Variants in OSTC observed in about 807,000 individuals in gnomAD.
OSTC encodes the protein oligosaccharyltransferase complex subunit OSTC.
In OSTC, 16 loss-of-function variants were observed where a neutral mutation model predicts 16.4. The observed-to-expected ratio is 0.98, with a 90% confidence interval of 0.66 to 1.49. The LOEUF is 1.49. OSTC is among the 40% of genes most tolerant of loss of function. The pLI, the probability that OSTC is intolerant of heterozygous loss-of-function variation, is 0.00. For missense variants in OSTC, 139 were observed against 186.3 expected (o/e 0.75, Z 1.48); for synonymous variants, 67 against 68.5 (o/e 0.98, Z 0.11).
chr4:108,657,777 T>C, intron 3 of OSTC, 130 bp downstream of exon 3: 1 of 809,624 alleles, frequency 1.2e-6, no homozygotes, highest in Non-Finnish European at 1.9e-6. Context: ...CCAAATATAT[T>C]TGTAACTTGG....
chr4:108,665,611 G>T (rs1726977100), intron 3 of OSTC, among the ~76,000 whole-genome samples: 1 of 150,580 alleles, frequency 6.6e-6, no homozygotes, highest in African/African-American at 2.5e-5. Context: ...CCAGGCTGGA[G>T]TGCAATGGCA....
At chr4:108,657,323 A>G in intron 2 of OSTC, 127 bp from the exon 3 acceptor site, 1 of 763,666 alleles carries the variant, frequency 1.3e-6, no homozygotes, top group Admixed American at 2.7e-5. Context: ...ATAGTAAAAT[A>G]GTTGTAAGGC....
rs953114224 is a variant in OSTC at position 108,655,627 on chromosome 4, A to G, written c.203A>G (p.His68Arg). The stretch of plus-strand genomic sequence containing the variant: ...GGTTCTATGACTGATGAACATGGGC[A>G]TCAGAGGCCAGTAGCTTTCTTGGCC... The part of the protein sequence containing the change: ...SVGSMTDEHG[H>R]QRPVAFLAYR... The change falls in exon 2 of 4, where the codon CAT (histidine) becomes CGT (arginine). Residue 68 changes from histidine (H) to arginine (R), a missense_variant. Physicochemically the swap from His to Arg is conservative, Grantham distance 29. Coordinates refer to ENST00000361564, the MANE Select transcript of OSTC (RefSeq NM_021227.4). The G allele has an allele frequency of 1.1e-5, 17 of 1,609,340 alleles. No individual in the cohort carries two copies. The highest frequency in any genetic ancestry group is 1.3e-5 in the Non-Finnish European group (15 of 1,175,898).
intron 3 of OSTC, among the ~76,000 whole-genome samples, chr4:108,658,219 A>G (rs1191998513): frequency 1.3e-5 from 2 of 152,060 alleles, no homozygotes; most frequent in African/African-American, 4.8e-5. Flanking sequence ...GGCATGAGCT[A>G]CGGCGCCCAG....
intron 3 of OSTC, among the ~76,000 whole-genome samples, chr4:108,660,456 A>G (rs945000336): frequency 3.9e-5 from 6 of 152,168 alleles, no homozygotes; most frequent in Non-Finnish European, 7.3e-5. Context: ...GCCCCAGAGG[A>G]GATGATGAGC....
chr4:108,657,714 A>T lies in OSTC; in HGVS notation c.431+67A>T. ...TAAAATGATTACCTGGAAAATGTAA[A>T]GTCATAGGACATTTAATTTAACTTT... is the stretch of plus-strand genomic sequence containing the variant. On this transcript the variant is annotated intron_variant, in intron 3 of 3. Transcript: ENST00000361564. 2.2e-6 allele frequency: 3 copies of T among 1,363,834 alleles called. No homozygotes were observed. In the South Asian group the frequency reaches 3.8e-5, roughly 17 times the overall value. The allele number at this position is 1,363,834 out of a possible 1,614,324, so 84.5% of individuals were successfully genotyped here. A position where few individuals can be genotyped will look rare whatever the true frequency, so the allele number is the denominator to read the frequency against.
chr4:108,658,993 T>G (rs1197877685), intron 3 of OSTC, among the ~76,000 whole-genome samples: 3 of 145,968 alleles, frequency 2.1e-5, no homozygotes, highest in Non-Finnish European at 4.5e-5. Flanking sequence ...TTTTTTTTTT[T>G]TTTGAGATGG....
chr4:108,660,449 C>G (rs1726827689), intron 3 of OSTC, among the ~76,000 whole-genome samples: 1 of 152,006 alleles, frequency 6.6e-6, no homozygotes, highest in South Asian at 2.1e-4. Context: ...TTTGCAGGCC[C>G]CAGAGGAGAT....
intron 3 of OSTC, among the ~76,000 whole-genome samples, chr4:108,658,416 T>C (rs1578339797): frequency 8.5e-6 from 1 of 117,806 alleles, no homozygotes; most frequent in South Asian, 3.8e-4. Context: ...GAAAAGGATA[T>C]TTATATATTT....
At chr4:108,657,264 A>G (rs1327006562) in intron 2 of OSTC, among the ~76,000 whole-genome samples, 186 bp from the exon 3 acceptor site, 1 of 152,212 alleles carries the variant, frequency 6.6e-6, no homozygotes, top group Non-Finnish European at 1.5e-5. Context: ...CTTGCTACCT[A>G]ATAGACTCAA....
At position 108,666,711 on chromosome 4, in the gene OSTC, C is replaced by CA. The variant is rs34702666; in HGVS notation, c.432-520dup. ...GGGCAACAAGAGCAAAACTCCATCT[C>CA]AAAAAAAAAAAAAAAACTTTGCCGG... On this transcript the variant is annotated intron_variant, in intron 3 of 3. Transcript: ENST00000361564. Among the ~76,000 whole-genome samples, 319 of 102,050 alleles carry CA rather than the reference C, an allele frequency of 3.1e-3. 42 individuals are homozygous for CA. The highest frequency in any genetic ancestry group is 0.024 in the East Asian group (87 of 3,594). 66.9% of individuals were successfully genotyped at this position (102,050 alleles called of 152,430 possible).
At chr4:108,657,770 A>G (rs549548622) in intron 3 of OSTC, 123 bp downstream of exon 3, 2 of 859,126 alleles carry the variant, frequency 2.3e-6, no homozygotes, top group South Asian at 3.6e-5. Flanking sequence ...CCAGAAACCA[A>G]ATATATTTGT....
chr4:108,659,777 GAAAA>G (rs1726806298), intron 3 of OSTC, among the ~76,000 whole-genome samples: 1 of 145,358 alleles, frequency 6.9e-6, no homozygotes, highest in African/African-American at 2.5e-5. Flanking sequence ...TCAAAAAAAA[GAAAA>G]GAAAAGAAAA....
intron 3 of OSTC, chr4:108,663,209 GT>G (rs1283726592): frequency 4.4e-6 from 2 of 455,860 alleles, no homozygotes; most frequent in African/African-American, 4.0e-5. Flanking sequence ...AACCATTACT[GT>G]TTTTGTTTTG....
intron 1 of OSTC, among the ~76,000 whole-genome samples, chr4:108,652,765 G>T (rs964935538): frequency 4.6e-5 from 7 of 152,146 alleles, no homozygotes; most frequent in Admixed American, 4.6e-4. Context: ...CAGGCCAGGC[G>T]CAGTGGCTCA....
intron 3 of OSTC, among the ~76,000 whole-genome samples, chr4:108,659,353 G>GCCT (rs1348899709): frequency 4.2e-5 from 2 of 47,474 alleles, no homozygotes; most frequent in Non-Finnish European, 7.9e-5. Context: ...AGGTACTCCA[G>GCCT]CCTCTTATTG....
chr4:108,652,024 A>G (rs1394456028), intron 1 of OSTC: 4 of 152,266 alleles, frequency 2.6e-5, no homozygotes, highest in Admixed American at 6.5e-5. Context: ...AGCATTAACC[A>G]TTAACATTTG....
rs371138600 is a variant in OSTC, at chr4:108,665,445, C to CTTTT, written c.432-1785_432-1782dup. ...TCAGTGAGTATAAGGTGTTGTAAACCTTTTTTTTTTTTTTTTTTTTGAGAC... is the reference window on the plus strand; with the variant it reads ...TCAGTGAGTATAAGGTGTTGTAAACCTTTTTTTTTTTTTTTTTTTTTTTTGAGAC... On this transcript the variant is annotated intron_variant, in intron 3 of 3. Coordinates refer to ENST00000361564, the MANE Select transcript of OSTC (RefSeq NM_021227.4). Among the ~76,000 whole-genome samples the CTTTT allele has an allele frequency of 2.5e-3, 282 of 114,090 alleles. 1 individual carries two copies. Among genetic ancestry groups the CTTTT allele is most frequent in the African/African-American group, 8.4e-3 (254 of 30,418 alleles). 74.8% of individuals were successfully genotyped at this position (114,090 alleles called of 152,430 possible). A position where few individuals can be genotyped will look rare whatever the true frequency, so the allele number is the denominator to read the frequency against.
chr4:108,662,915 G>A (rs2110387391), intron 3 of OSTC, among the ~76,000 whole-genome samples: 1 of 152,344 alleles, frequency 6.6e-6, no homozygotes, highest in African/African-American at 2.4e-5. Flanking sequence ...AGGACAATGT[G>A]TAGTAGAGAG....
Sources: gnomAD v4.1 joint callset for allele counts (sites outside exome capture counted in the v4.1 genomes callset) on GRCh38, gnomAD v4.1.1 for gene constraint, MANE v1.5 for transcripts, NCBI Gene and HGNC (gene_info 2026-07-23, HGNC 2026-07-21) for gene names.